ATP6V0A1: variants seen among roughly 807,000 people sequenced by gnomAD.
The protein encoded by ATP6V0A1 is ATPase H+ transporting V0 subunit a1, also known as V-type proton ATPase 116 kDa subunit a 1.
In ATP6V0A1, 43 loss-of-function variants were observed where a neutral mutation model predicts 105.4. The ratio of observed to expected loss-of-function variants is 0.41; its 90% CI spans 0.32 to 0.53. The LOEUF (loss-of-function observed/expected upper bound fraction) is 0.53. ATP6V0A1 is among the 20% of genes least tolerant of loss of function. The probability of loss-of-function intolerance (pLI) is 0.30; values close to 1 mark genes in which losing one functional copy is unlikely to be tolerated. For missense variants in ATP6V0A1, 676 were observed against 1,051.1 expected, an observed-to-expected ratio of 0.64 and a Z score of 4.93; for synonymous variants, 362 against 372.8, an observed-to-expected ratio of 0.97 and a Z score of 0.33.
chr17:42,487,881 C>T (rs1024924683), intron 10 of ATP6V0A1, among the ~76,000 whole-genome samples: 5 of 152,146 alleles, frequency 3.3e-5, no homozygotes, highest in Non-Finnish European at 7.3e-5. Flanking sequence ...TATATCATAG[C>T]GTAGCATAGC....
rs199785715 is a variant in ATP6V0A1 at position 42,514,327 on chromosome 17, G to A, written c.2287G>A (p.Gly763Ser). 10 of 1,611,688 alleles carry A rather than the reference G, an allele frequency of 6.2e-6. No homozygotes were observed. Among genetic ancestry groups the A allele is most frequent in the Admixed American group, 3.4e-5 (2 of 59,690 alleles). Residue 763 changes from glycine to serine, a missense_variant, in exon 21 of 22, where the codon GGC becomes AGC. Physicochemically the swap from Gly to Ser is moderately conservative, Grantham distance 56 (BLOSUM62 0). Around this residue, in one of 3 missense-constraint regions of ATP6V0A1, gnomAD observed 435 missense variants for 642.2 expected, o/e 0.68. Transcript: ENST00000343619. Reference sequence around the variant, plus strand: ...GCTTTGGACCATGGTGATCCACATCGGCCTGAGCGTGAAGAGCTTGGCGGG... The same window carrying A: ...GCTTTGGACCATGGTGATCCACATCAGCCTGAGCGTGAAGAGCTTGGCGGG... ...EVLWTMVIHIGLSVKSLAGGL... is the reference protein window; with the variant it reads ...EVLWTMVIHISLSVKSLAGGL...
chr17:42,466,518 T>C lies in ATP6V0A1; in HGVS notation c.196+11T>C, dbSNP rs769407335. 6 of 1,608,318 alleles carry C rather than the reference T, an allele frequency of 3.7e-6. No homozygotes were observed. The Admixed American group carries it at 6.7e-5, about 18-fold the overall frequency. On this transcript the variant is annotated intron_variant, in intron 3 of 21. Transcript: ENST00000343619. ...TGGATCGAAAGCTTCGTATGTGCAC[T>C]TTGGTCTTGTGTAATGTTCCTTTAA...
At chr17:42,493,422 C>T (rs569661771) in intron 11 of ATP6V0A1, among the ~76,000 whole-genome samples, 58 of 152,268 alleles carry the variant, frequency 3.8e-4, no homozygotes, top group African/African-American at 1.3e-3. Context: ...GGAGCAGGGT[C>T]CCACGAGTTA....
chr17:42,487,234 T>C lies in ATP6V0A1; in HGVS notation c.890T>C (p.Val297Ala). The C allele has an allele frequency of 1.2e-6, 2 of 1,614,162 alleles. No homozygotes were observed. Among genetic ancestry groups the C allele is most frequent in the Non-Finnish European group, 1.7e-6 (2 of 1,180,020 alleles). ...AKNIRVWFIK[V>A]RKMKAIYHTL... ...AACATCCGTGTCTGGTTCATCAAAGTGCGGAAGATGAAGGCCATCTATCAC... is the reference window on the plus strand; with the variant it reads ...AACATCCGTGTCTGGTTCATCAAAGCGCGGAAGATGAAGGCCATCTATCAC... Residue 297 changes from valine (V) to alanine (A), a missense_variant, in exon 10 of 22, where the codon GTG (valine) becomes GCG (alanine). Physicochemically the swap from Val to Ala is moderately conservative, Grantham distance 64. This residue lies in a region of ATP6V0A1 where 239 missense variants were observed against 388.4 expected (regional missense o/e 0.62). Transcript: ENST00000343619.
intron 17 of ATP6V0A1, 160 bp from the exon 18 acceptor site, chr17:42,507,360 A>G: frequency 3.5e-6 from 2 of 572,458 alleles, no homozygotes; most frequent in East Asian, 6.1e-5. Context: ...GGGGTGGAAC[A>G]GTTGTTTGAT....
At chr17:42,470,044 G>A in intron 4 of ATP6V0A1, 46 bp from the exon 5 acceptor site, 1 of 1,520,658 alleles carries the variant, frequency 6.6e-7, no homozygotes, top group Non-Finnish European at 8.9e-7. Flanking sequence ...GTCTTTCAGA[G>A]CAAACATATT....
intron 2 of ATP6V0A1, among the ~76,000 whole-genome samples, chr17:42,462,998 C>CTTTTTTT (rs35135162): frequency 2.3e-4 from 15 of 66,168 alleles, no homozygotes; most frequent in Non-Finnish European, 2.6e-4. Context: ...GGATATGGAA[C>CTTTTTTT]TTTTTTTTTT....
chr17:42,516,473 C>A (rs1429624921), intron 21 of ATP6V0A1, among the ~76,000 whole-genome samples: 1 of 152,192 alleles, frequency 6.6e-6, no homozygotes, highest in Admixed American at 6.5e-5. Flanking sequence ...TATCAGCCGA[C>A]CCCCGCAAGC....
At chr17:42,504,374 G>T (rs1224428660) in intron 17 of ATP6V0A1, among the ~76,000 whole-genome samples, 1 of 152,092 alleles carries the variant, frequency 6.6e-6, no homozygotes, top group Non-Finnish European at 1.5e-5. Flanking sequence ...TTAGTGTCTG[G>T]CTGGGAGATT....
chr17:42,484,987 TTAC>T (rs1163515468), intron 9 of ATP6V0A1, among the ~76,000 whole-genome samples: 2 of 152,000 alleles, frequency 1.3e-5, no homozygotes, highest in Non-Finnish European at 2.9e-5. Context: ...GTAGCTGTGA[TTAC>T]AGATGCCTGC....
intron 17 of ATP6V0A1, chr17:42,502,831 C>T (rs1458533487): frequency 6.6e-6 from 1 of 152,606 alleles, no homozygotes; most frequent in Non-Finnish European, 1.5e-5. Flanking sequence ...AGCCCAAACC[C>T]GAGCCAACAG....
chr17:42,517,281 AAACAACAACAAC>A (rs547241454), intron 21 of ATP6V0A1, among the ~76,000 whole-genome samples: 1 of 149,692 alleles, frequency 6.7e-6, no homozygotes. Flanking sequence ...CTCCGTCTCA[AAACAACAACAAC>A]AACAACAACA....
At chr17:42,464,250 G>C (rs990690976) in intron 2 of ATP6V0A1, among the ~76,000 whole-genome samples, 5 of 152,074 alleles carry the variant, frequency 3.3e-5, no homozygotes, top group Admixed American at 2.6e-4. Flanking sequence ...GTTTGTGTCC[G>C]TCTCTTCTGT....
intron 11 of ATP6V0A1, 150 bp downstream of exon 11, chr17:42,490,787 CAA>C (rs950033713): frequency 2.5e-6 from 2 of 797,838 alleles, no homozygotes; most frequent in African/African-American, 3.6e-5. Context: ...CTCCTGGCCT[CAA>C]GAGATCCTCC....
At chr17:42,501,967 G>T (rs2091707511) in intron 17 of ATP6V0A1, among the ~76,000 whole-genome samples, 1 of 152,086 alleles carries the variant, frequency 6.6e-6, no homozygotes, top group Non-Finnish European at 1.5e-5. Context: ...CTGAGAGGCG[G>T]AGGTTGCAGT....
intron 11 of ATP6V0A1, among the ~76,000 whole-genome samples, chr17:42,493,546 G>A (rs145527074): frequency 1.1e-4 from 17 of 152,230 alleles, no homozygotes; most frequent in African/African-American, 3.8e-4. Flanking sequence ...CTGTAATCTC[G>A]GATATTCAGG....
Position 42,495,164 on chromosome 17 carries a change from G to A in ATP6V0A1, c.1445G>A (p.Arg482Gln), listed in dbSNP as rs746171513. 4 of 1,613,936 alleles carry A rather than the reference G, an allele frequency of 2.5e-6. No homozygotes were observed. Among genetic ancestry groups the A allele is most frequent in the East Asian group, 2.2e-5 (1 of 44,868 alleles). The change falls in exon 13 of 22, where the codon CGG becomes CAG. Residue 482 changes from arginine to glutamine, a missense_variant. Coordinates refer to ENST00000343619, the MANE Select transcript of ATP6V0A1 (RefSeq NM_001130021.3). ...ATCTTTGGGTCATCCTGGAGTGTAC[G>A]GCCGATGTTTACTTATAATTGGACG... ...LNIFGSSWSV[R>Q]PMFTYNWTEE...
chr17:42,514,710 G>A (rs1176561948), intron 21 of ATP6V0A1, among the ~76,000 whole-genome samples: 3 of 152,066 alleles, frequency 2.0e-5, no homozygotes, highest in East Asian at 1.9e-4. Context: ...GTCAGGTCCC[G>A]CTCCCTGCCT....
intron 9 of ATP6V0A1, 126 bp from the exon 10 acceptor site, chr17:42,487,029 C>G (rs1444009954): frequency 2.3e-6 from 2 of 882,012 alleles, no homozygotes; most frequent in Non-Finnish European, 3.6e-6. Flanking sequence ...ACCATTCTAG[C>G]CAGAGGAAGA....
Sources: allele counts gnomAD v4.1 joint callset (sites outside exome capture counted in the v4.1 genomes callset), GRCh38; gene constraint gnomAD v4.1.1; regional missense constraint gnomAD v4.1.1; transcripts MANE v1.5; gene names NCBI Gene and HGNC (gene_info 2026-07-23, HGNC 2026-07-21).